The following SGSM2 variants were observed in gnomAD, a reference collection of about 807,000 sequenced individuals.
SGSM2 encodes the protein RUN and TBC1 domain containing 1.
In SGSM2, 89 loss-of-function variants were observed where a neutral mutation model predicts 126.6. The ratio of observed to expected loss-of-function variants is 0.70; its 90% CI spans 0.59 to 0.84. The LOEUF (loss-of-function observed/expected upper bound fraction) is 0.84, where lower values mean the gene tolerates loss of function less well. Ranked by LOEUF, SGSM2 falls within the 40% of genes least tolerant of loss-of-function variation. The probability of loss-of-function intolerance (pLI) is 0.00; values close to 1 mark genes in which losing one functional copy is unlikely to be tolerated. For synonymous variants in SGSM2, 614 were observed against 574.3 expected (o/e 1.07, Z -0.99); for missense variants, 1,404 against 1,416.6 (o/e 0.99, Z 0.14).
chr17:2,372,126 TTC>T lies in SGSM2; in HGVS notation c.1578-55_1578-54del. 1 of 1,584,100 alleles carries T rather than the reference TTC, an allele frequency of 6.3e-7. No individual in the cohort carries two copies. Among genetic ancestry groups the T allele is most frequent in the East Asian group, 2.2e-5 (1 of 44,660 alleles). ...GCCCCCCAGGACAGAGCCTCCTCCC[TTC>T]TCTCTCTCCTCCCACCAGAGGGGCC... is the stretch of plus-strand genomic sequence containing the variant. On this transcript the variant is annotated intron_variant, in intron 13 of 23. Coordinates refer to ENST00000268989, the MANE Select transcript of SGSM2 (RefSeq NM_014853.3). The surrounding 1 kb of genome is among the most constrained non-coding windows in gnomAD (Gnocchi z 6.0).
chr17:2,352,790 T>TGAGACGGA (rs2064916229), intron 2 of SGSM2, among the ~76,000 whole-genome samples: 1 of 118,306 alleles, frequency 8.5e-6, no homozygotes, highest in African/African-American at 4.3e-5. Context: ...TTTTTTTTTT[T>TGAGACGGA]TTTTTGAGAC....
Position 2,363,689 on chromosome 17 carries a change from AGCTTGACCAGAGACGGGGGG to A in SGSM2, c.807+92_807+111del. 6.5e-7 allele frequency: 1 copy of A among 1,531,882 alleles called. No individual in the cohort carries two copies. Among genetic ancestry groups the A allele is most frequent in the Non-Finnish European group, 8.8e-7 (1 of 1,131,786 alleles). The allele number at this position is 1,531,882 out of a possible 1,614,324, so 94.9% of individuals were successfully genotyped here. On this transcript the variant is annotated intron_variant, in intron 7 of 23. Transcript: ENST00000268989. The surrounding 1 kb of genome is among the most constrained non-coding windows in gnomAD (Gnocchi z 4.2). Reference sequence around the variant, plus strand: ...AGCCATGGCTATTCCTTTCCTGAGGAGCTTGACCAGAGACGGGGGGGAGAATGGCCCCAGCCTCCCAACTC... The same window carrying A: ...AGCCATGGCTATTCCTTTCCTGAGGAGAGAATGGCCCCAGCCTCCCAACTC...
At chr17:2,361,543 C>T in intron 2 of SGSM2, 94 bp from the exon 3 acceptor site, 1 of 1,492,984 alleles carries the variant, frequency 6.7e-7, no homozygotes, top group Non-Finnish European at 9.1e-7. Flanking sequence ...CTTGCCCTTA[C>T]CCCTTGCCTC....
At chr17:2,344,225 G>A (rs950489270) in intron 2 of SGSM2, among the ~76,000 whole-genome samples, 3 of 152,170 alleles carry the variant, frequency 2.0e-5, no homozygotes, top group African/African-American at 7.2e-5. Context: ...TCCAGCCCCA[G>A]AAAGGAGAGA....
chr17:2,364,230 T>A (rs756717290), intron 8 of SGSM2, 47 bp downstream of exon 8: 1 of 1,610,564 alleles, frequency 6.2e-7, no homozygotes, highest in African/African-American at 1.3e-5. Context: ...AGGGAGTGGG[T>A]TTGACCTCAG....
intron 21 of SGSM2, 21 bp from the exon 22 acceptor site, chr17:2,377,836 C>A (rs756106597): frequency 3.5e-5 from 54 of 1,539,234 alleles, no homozygotes; most frequent in Non-Finnish European, 4.6e-5. Context: ...CAGCCTCTCT[C>A]CCTTTTCCCA....
chr17:2,362,939 G>C lies in SGSM2; in HGVS notation c.526+34G>C. ...GAGAGCACAGGCACAGTGGGTACGG[G>C]GCAGGTGCTGAGGGAGCATCGTCTG... On this transcript the variant is annotated intron_variant, in intron 5 of 23. Coordinates refer to ENST00000268989, the MANE Select transcript of SGSM2 (RefSeq NM_014853.3). The surrounding 1 kb of genome is among the most constrained non-coding windows in gnomAD (Gnocchi z 4.9). 6.2e-7 allele frequency: 1 copy of C among 1,614,124 alleles called. No homozygotes were observed. Among genetic ancestry groups the C allele is most frequent in the African/African-American group, 1.3e-5 (1 of 75,060 alleles).
Position 2,376,203 on chromosome 17 carries a change from C to T in SGSM2, c.2551C>T (p.Arg851Cys), listed in dbSNP as rs769208344. Residue 851 changes from arginine (R) to cysteine (C), a missense_variant, in exon 19 of 24, where the codon CGC becomes TGC. Coordinates refer to ENST00000268989, the MANE Select transcript of SGSM2 (RefSeq NM_014853.3). ...AGACAAGGATGTGCAGAGGTGTGAC[C>T]GCAACTACTGGTACTTCACGCCCCC... Reference protein sequence around the residue: ...RIDKDVQRCDRNYWYFTPPNL... With the variant: ...RIDKDVQRCDCNYWYFTPPNL... The T allele has an allele frequency of 4.3e-5, 70 of 1,613,950 alleles. No individual in the cohort carries two copies. Among genetic ancestry groups the T allele is most frequent in the Admixed American group, 6.7e-5 (4 of 59,996 alleles).
intron 11 of SGSM2, chr17:2,366,820 G>A (rs1334193284): frequency 6.5e-6 from 1 of 154,150 alleles, no homozygotes; most frequent in African/African-American, 2.4e-5. Context: ...TTTCCTGGGA[G>A]GGAAGAAGGT....
chr17:2,376,497 A>G (rs923709687), intron 19 of SGSM2: 23 of 657,232 alleles, frequency 3.5e-5, no homozygotes, highest in Non-Finnish European at 5.7e-5. Context: ...TCATCCCCGC[A>G]CCCCCGCCCC....
chr17:2,375,483 A>G lies in SGSM2; in HGVS notation c.2101-9A>G. The G allele has an allele frequency of 6.3e-7, 1 of 1,593,840 alleles. No individual in the cohort carries two copies. Among genetic ancestry groups the G allele is most frequent in the African/African-American group, 1.4e-5 (1 of 74,012 alleles). On this transcript the variant is annotated splice_polypyrimidine_tract_variant and intron_variant, in intron 17 of 23. Transcript: ENST00000268989. ...GTGCAGGTGGAGCCGCCCTGTGTTC[A>G]CCCCCCAGGTGTTTATCTCAGTGGA...
rs1353459835 is a variant in SGSM2, at chr17:2,367,938, C to T, written c.1423+533C>T. 6.6e-6 allele frequency among the ~76,000 whole-genome samples: 1 copy of T among 152,182 alleles called. No individual in the cohort carries two copies. Among genetic ancestry groups the T allele is most frequent in the Non-Finnish European group, 1.5e-5 (1 of 68,026 alleles). ...CAGTCTTCCCAGGAGGCCTGAGGGC[C>T]CCAGCCGGCAGGGCCTGGTACTTTG... On this transcript the variant is annotated intron_variant, in intron 12 of 23. Transcript: ENST00000268989. The surrounding 1 kb of genome is among the most constrained non-coding windows in gnomAD (Gnocchi z 4.0).
chr17:2,377,715 ACC>A (rs1419122148), intron 21 of SGSM2, 140 bp from the exon 22 acceptor site: 1 of 592,538 alleles, frequency 1.7e-6, no homozygotes, highest in African/African-American at 1.9e-5. Flanking sequence ...GAGAGAGTGC[ACC>A]GCGCAGCACA....
At chr17:2,376,555 G>C (rs1247299784) in intron 19 of SGSM2, 178 bp from the exon 20 acceptor site, 10 of 749,080 alleles carry the variant, frequency 1.3e-5, no homozygotes, top group Middle Eastern at 7.6e-4. Context: ...GGAGTGCCTT[G>C]GGGGGGACCC....
At chr17:2,340,611 G>A (rs1597296256) in intron 1 of SGSM2, among the ~76,000 whole-genome samples, 2 of 149,530 alleles carry the variant, frequency 1.3e-5, no homozygotes, top group East Asian at 2.0e-4. Flanking sequence ...TTGAGATGGA[G>A]TCTCGCTCTG....
At chr17:2,376,309 A>G (rs1157333613) in intron 19 of SGSM2, 48 bp downstream of exon 19, 1 of 1,488,058 alleles carries the variant, frequency 6.7e-7, no homozygotes, top group African/African-American at 1.4e-5. Flanking sequence ...CCCTGCCGCC[A>G]GTTACTCTGT....
Position 2,365,030 on chromosome 17 carries a change from G to A in SGSM2, c.1134G>A (p.Glu378=), listed in dbSNP as rs760387319. 1.9e-6 allele frequency: 3 copies of A among 1,613,276 alleles called. No individual in the cohort carries two copies. The highest frequency in any genetic ancestry group is 2.5e-6 in the Non-Finnish European group (3 of 1,179,930). Residue 378 remains glutamate (E), a synonymous_variant, in exon 10 of 24, where the codon GAG becomes GAA. Coordinates refer to ENST00000268989, the MANE Select transcript of SGSM2 (RefSeq NM_014853.3). The part of the protein sequence containing the change: ...ENGLLPRGQL[E]PPLWTQQGKG... ...GGCTGCTGCCTCGGGGACAGCTAGA[G>A]CCCCCGCTGTGGACCCAGCAAGGGA...
chr17:2,372,440 C>A lies in SGSM2; in HGVS notation c.1740C>A (p.Ser580=), dbSNP rs3213712. Residue 580 remains serine, a synonymous_variant, in exon 15 of 24, where the codon TCC becomes TCA. Transcript: ENST00000268989. This position sits in a 1 kb window ranked among gnomAD's most constrained non-coding sequence, Gnocchi z 6.0. ...CACCTGACCGGCCCCCGGGGGCCTC[C>A]GCGGGCCTCACCAAGGACGTGTGGA... The part of the protein sequence containing the change: ...VIPPDRPPGA[S]AGLTKDVWSK... The A allele has an allele frequency of 6.3e-7, 1 of 1,599,200 alleles. No individual in the cohort carries two copies. The highest frequency in any genetic ancestry group is 8.5e-7 in the Non-Finnish European group (1 of 1,175,416).
chr17:2,364,326 T>A, intron 8 of SGSM2, 143 bp downstream of exon 8: 1 of 1,125,718 alleles, frequency 8.9e-7, no homozygotes, highest in Non-Finnish European at 1.3e-6. Flanking sequence ...AGCGGCTGCC[T>A]GGAGTGATTC....
Sources: gnomAD v4.1 joint callset for allele counts (sites outside exome capture counted in the v4.1 genomes callset) on GRCh38, gnomAD v4.1.1 for gene constraint, Gnocchi (gnomAD v3.1) non-coding constraint, MANE v1.5 for transcripts, NCBI Gene and HGNC (gene_info 2026-07-23, HGNC 2026-07-21) for gene names.